Variants in DHRSX observed in about 807,000 individuals in gnomAD.
DHRSX encodes dehydrogenase/reductase X-linked.
DHRSX carries 31 observed loss-of-function variants against 34.0 expected under a neutral mutation model. The ratio of observed to expected loss-of-function variants is 0.91; its 90% CI spans 0.69 to 1.23. DHRSX has a LOEUF of 1.23. Among genes scored for constraint, DHRSX ranks in the 50% most tolerant of loss-of-function variants. The pLI is 0.00. For missense variants in DHRSX, 414 were observed against 428.1 expected (o/e 0.97, Z 0.29); for synonymous variants, 201 against 183.8 (o/e 1.09, Z -0.76).
chrX:2,241,039 C>G (rs192044842), intron 6 of DHRSX, among the ~76,000 whole-genome samples: 75 of 152,174 alleles, frequency 4.9e-4, no homozygotes, highest in African/African-American at 1.8e-3. Context: ...CAAAAACTAG[C>G]CGGGCATGGT....
Position 2,253,548 on chromosome X carries a change from C to T in DHRSX, c.597-10318G>A, listed in dbSNP as rs184898519. Among the ~76,000 whole-genome samples the T allele has an allele frequency of 4.0e-3, 614 of 152,350 alleles. 4 individuals are homozygous for T. Among genetic ancestry groups the T allele is most frequent in the Admixed American group, 0.012 (177 of 15,298 alleles). On this transcript the variant is annotated intron_variant, in intron 5 of 6. Coordinates refer to ENST00000334651, the MANE Select transcript of DHRSX (RefSeq NM_145177.3). ...CGTGAGCCAATCAGCAAAGATGGCG[C>T]CACTGCACTCCAGTCTGGGTGAGAC...
chrX:2,257,959 A>G (rs138413362), intron 5 of DHRSX, among the ~76,000 whole-genome samples: 3,651 of 152,250 alleles, frequency 0.024, 138 homozygotes, highest in African/African-American at 0.082. Flanking sequence ...CGATTCAGGT[A>G]AAATGAGGTC....
At chrX:2,310,561 TGAGA>T (rs780086507) in intron 3 of DHRSX, among the ~76,000 whole-genome samples, 1,883 of 144,350 alleles carry the variant, frequency 0.013, 18 homozygotes, top group Middle Eastern at 0.038. Context: ...TGTGTGTGTG[TGAGA>T]GAGAGAGAGA....
At chrX:2,408,923 G>A in intron 2 of DHRSX, 110 bp from the exon 3 acceptor site, 1 of 956,670 alleles carries the variant, frequency 1.0e-6, no homozygotes, top group Non-Finnish European at 1.6e-6. Context: ...AATCTGAAAT[G>A]TGCCTTTGAT....
At chrX:2,263,236 C>T (rs1360723325) in intron 5 of DHRSX, among the ~76,000 whole-genome samples, 7 of 152,164 alleles carry the variant, frequency 4.6e-5, no homozygotes, top group African/African-American at 1.4e-4. Context: ...CCTCATCCCC[C>T]GTGAGATGGT....
chrX:2,423,569 G>T (rs2043807755), intron 2 of DHRSX, among the ~76,000 whole-genome samples: 1 of 152,140 alleles, frequency 6.6e-6, no homozygotes, highest in Non-Finnish European at 1.5e-5. Flanking sequence ...TGCAGTCTGG[G>T]CTGACAGAGT....
At chrX:2,304,514 A>G (rs1358123686) in intron 3 of DHRSX, among the ~76,000 whole-genome samples, 52 of 152,088 alleles carry the variant, frequency 3.4e-4, no homozygotes, top group Non-Finnish European at 2.9e-5. Context: ...GGAATAGTTT[A>G]GTGCCATCCC....
At chrX:2,332,033 A>G (rs1254330890) in intron 3 of DHRSX, among the ~76,000 whole-genome samples, 1 of 152,196 alleles carries the variant, frequency 6.6e-6, no homozygotes, top group African/African-American at 2.4e-5. Context: ...GTATGCTTAA[A>G]TTAAAAAATA....
chrX:2,429,864 GA>G (rs201820553), intron 1 of DHRSX, among the ~76,000 whole-genome samples: 26,024 of 151,910 alleles, frequency 0.17, 4,129 homozygotes, highest in African/African-American at 0.42. Flanking sequence ...GGTATGCCAG[GA>G]AAAAACTAAC....
rs1000335970 is a variant in DHRSX, at chrX:2,250,769, A to C, written c.597-7539T>G. ...AGAATGCCTCATCCACCTCCAGAGA[A>C]GGCAGCCCAAGCAGGTCTCAGCCTC... On this transcript the variant is annotated intron_variant, in intron 5 of 6. Transcript: ENST00000334651. Among the ~76,000 whole-genome samples the C allele has an allele frequency of 4.6e-5, 7 of 152,214 alleles. No homozygotes were observed. In the South Asian group the frequency reaches 1.2e-3, roughly 27 times the overall value.
At chrX:2,345,983 C>G (rs193182467) in intron 3 of DHRSX, among the ~76,000 whole-genome samples, 1 of 152,296 alleles carries the variant, frequency 6.6e-6, no homozygotes, top group Admixed American at 6.5e-5. Flanking sequence ...AGTATCTTGA[C>G]TCAGACACAC....
At chrX:2,246,984 T>C (rs1216704452) in intron 5 of DHRSX, among the ~76,000 whole-genome samples, 1 of 152,176 alleles carries the variant, frequency 6.6e-6, no homozygotes, top group East Asian at 1.9e-4. Flanking sequence ...AGTCTTGCTC[T>C]GTCACCCAGG....
chrX:2,359,577 G>C (rs753359625), intron 3 of DHRSX, among the ~76,000 whole-genome samples: 52 of 152,162 alleles, frequency 3.4e-4, no homozygotes, highest in African/African-American at 1.2e-3. Flanking sequence ...CTACTTGGGA[G>C]GCTGAGGCAG....
At chrX:2,347,658 C>T (rs1446704829) in intron 3 of DHRSX, among the ~76,000 whole-genome samples, 4 of 152,196 alleles carry the variant, frequency 2.6e-5, no homozygotes, top group Non-Finnish European at 5.9e-5. Context: ...CATGCCACGG[C>T]ACTCCAGCCT....
intron 3 of DHRSX, among the ~76,000 whole-genome samples, chrX:2,303,813 G>A (rs1211801118): frequency 2.3e-4 from 20 of 87,284 alleles, no homozygotes; most frequent in African/African-American, 4.7e-4. Context: ...GGGTGGATGG[G>A]TGGGTGGATG....
intron 4 of DHRSX, among the ~76,000 whole-genome samples, chrX:2,270,558 G>T (rs990481705): frequency 1.3e-5 from 2 of 151,988 alleles, no homozygotes; most frequent in African/African-American, 4.8e-5. Flanking sequence ...ACTCAGCAGT[G>T]GGTCCCGCGG....
intron 3 of DHRSX, among the ~76,000 whole-genome samples, chrX:2,406,264 C>T (rs926531704): frequency 7.2e-5 from 11 of 151,984 alleles, no homozygotes; most frequent in African/African-American, 1.9e-4. Flanking sequence ...TGCATTCCAG[C>T]CTAGGTGACA....
At chrX:2,445,529 A>T (rs936176504) in intron 1 of DHRSX, among the ~76,000 whole-genome samples, 20 of 152,162 alleles carry the variant, frequency 1.3e-4, no homozygotes, top group African/African-American at 3.4e-4. Context: ...CTGCGTTGAA[A>T]TCCTCACCCC....
At chrX:2,338,319 C>T (rs923783485) in intron 3 of DHRSX, among the ~76,000 whole-genome samples, 7 of 151,350 alleles carry the variant, frequency 4.6e-5, no homozygotes, top group African/African-American at 9.7e-5. Flanking sequence ...TGCAACAGAG[C>T]GAGACTCTGT....
Sources: allele counts gnomAD v4.1 joint callset (sites outside exome capture counted in the v4.1 genomes callset), GRCh38; gene constraint gnomAD v4.1.1; transcripts MANE v1.5; gene names NCBI Gene and HGNC (gene_info 2026-07-23, HGNC 2026-07-21).